The following MMP26 variants were observed in gnomAD, a reference collection of about 807,000 sequenced individuals.
MMP26 encodes matrix metalloproteinase-26.
A neutral mutation model predicts 31.0 loss-of-function variants in MMP26; 33 were observed. The observed-to-expected ratio is 1.06, with a 90% CI of 0.81 to 1.42. The LOEUF is 1.42. Among genes scored for constraint, MMP26 ranks in the 40% most tolerant of loss-of-function variants. The pLI, the probability that MMP26 is intolerant of heterozygous loss-of-function variation, is 0.00. For synonymous variants in MMP26, 122 were observed against 114.9 expected (o/e 1.06, Z -0.40); for missense variants, 347 against 316.1 (o/e 1.10, Z -0.74).
chr11:4,902,705 A>C (rs1850821798), intron 2 of MMP26, among the ~76,000 whole-genome samples: 1 of 152,228 alleles, frequency 6.6e-6, no homozygotes, highest in African/African-American at 2.4e-5. Context: ...ATCTGCTAGA[A>C]TAGCCCAATG....
intron 1 of MMP26, among the ~76,000 whole-genome samples, chr11:4,709,261 A>G (rs918831135): frequency 9.2e-5 from 14 of 152,110 alleles, no homozygotes; most frequent in Admixed American, 8.5e-4. Context: ...AACATTTTCT[A>G]TTATTGAAAC....
At chr11:4,834,081 G>T (rs12785274) in intron 2 of MMP26, among the ~76,000 whole-genome samples, 1 of 152,008 alleles carries the variant, frequency 6.6e-6, no homozygotes, top group Non-Finnish European at 1.5e-5. Context: ...GGCCCCTCAC[G>T]TTTTTCTGGG....
intron 2 of MMP26, among the ~76,000 whole-genome samples, chr11:4,891,591 C>G (rs755664794): frequency 3.6e-4 from 55 of 152,298 alleles, no homozygotes; most frequent in Non-Finnish European, 6.8e-4. Flanking sequence ...TCAAAGGAAG[C>G]AGTCCAAAGT....
At chr11:4,938,916 G>A (rs1846169160) in intron 2 of MMP26, among the ~76,000 whole-genome samples, 1 of 152,094 alleles carries the variant, frequency 6.6e-6, no homozygotes, top group African/African-American at 2.4e-5. Flanking sequence ...AAATCACGCT[G>A]AATGAGTAGT....
intron 2 of MMP26, among the ~76,000 whole-genome samples, chr11:4,806,824 G>A (rs1202470806): frequency 2.0e-5 from 3 of 151,974 alleles, no homozygotes; most frequent in South Asian, 2.1e-4. Flanking sequence ...CTATATCCGG[G>A]GTCCACCTAT....
intron 2 of MMP26, chr11:4,803,415 G>T: frequency 4.7e-6 from 7 of 1,500,852 alleles, no homozygotes; most frequent in South Asian, 1.2e-5. Flanking sequence ...AAGTGATGGG[G>T]ATACACTGAC....
chr11:4,731,407 G>A (rs144221081), intron 1 of MMP26, among the ~76,000 whole-genome samples: 1 of 152,236 alleles, frequency 6.6e-6, no homozygotes, highest in East Asian at 1.9e-4. Context: ...CCCATTAAAT[G>A]TATAGCTCAT....
chr11:4,859,768 CTG>C (rs1196544658), intron 2 of MMP26: 3 of 471,206 alleles, frequency 6.4e-6, no homozygotes, highest in Non-Finnish European at 1.3e-5. Context: ...CTCCCAAAAT[CTG>C]TGGATCATGG....
chr11:4,730,408 G>GAC, intron 1 of MMP26, among the ~76,000 whole-genome samples: 3 of 151,124 alleles, frequency 2.0e-5, no homozygotes, highest in African/African-American at 7.3e-5. Flanking sequence ...CTGGGAAAGA[G>GAC]AGAGAGAGAG....
intron 1 of MMP26, among the ~76,000 whole-genome samples, chr11:4,755,823 T>C (rs1043644220): frequency 4.0e-5 from 6 of 151,826 alleles, no homozygotes; most frequent in African/African-American, 1.4e-4. Flanking sequence ...AAATAAAAAC[T>C]GAAGATGTCT....
chr11:4,857,250 C>CA lies in MMP26; in HGVS notation c.-145+89916dup, dbSNP rs1376291803. Among the ~76,000 whole-genome samples, 12 of 102,828 alleles carry CA rather than the reference C, an allele frequency of 1.2e-4. No homozygotes were observed. In the East Asian group the frequency reaches 1.8e-3, roughly 15 times the overall value. The allele number at this position is 102,828 out of a possible 152,430, so 67.5% of individuals were successfully genotyped here. A position where few individuals can be genotyped will look rare whatever the true frequency, so the allele number is the denominator to read the frequency against. The stretch of plus-strand genomic sequence containing the variant: ...AGCAGAATTGAAGGAGATAGAGACA[C>CA]AAAAAAACCCTTAAAAAAAAATCAG... On this transcript the variant is annotated intron_variant, in intron 2 of 7. Transcript: ENST00000380390.
chr11:4,898,256 A>C (rs1850742923), intron 2 of MMP26, among the ~76,000 whole-genome samples: 1 of 152,094 alleles, frequency 6.6e-6, no homozygotes, highest in Non-Finnish European at 1.5e-5. Flanking sequence ...TTTAAGTATG[A>C]CATTGTTTTT....
At chr11:4,723,814 T>G in intron 1 of MMP26, 1 of 1,568,866 alleles carries the variant, frequency 6.4e-7, no homozygotes, top group Non-Finnish European at 8.7e-7. Flanking sequence ...CCACTTGGTC[T>G]CCAGCATCTT....
At chr11:4,719,621 A>G (rs1195409343) in intron 1 of MMP26, 2 of 152,268 alleles carry the variant, frequency 1.3e-5, no homozygotes, top group Admixed American at 1.3e-4. Context: ...AATGCCATTC[A>G]GAGAGGTTAA....
rs11034725 is a variant in MMP26 at position 4,936,408 on chromosome 11, A to G, written c.-144-51660A>G. On this transcript the variant is annotated intron_variant, in intron 2 of 7. Coordinates refer to ENST00000380390, the MANE Select transcript of MMP26 (RefSeq NM_021801.5). ...CTCTGATGGTAGTTTGTATTTCTGTAGGATTGGTGGTGATATCCCCTTTAT... is the reference window on the plus strand; with the variant it reads ...CTCTGATGGTAGTTTGTATTTCTGTGGGATTGGTGGTGATATCCCCTTTAT... 2.1e-3 allele frequency among the ~76,000 whole-genome samples: 321 copies of G among 152,088 alleles called. 1 individual carries two copies. The highest frequency in any genetic ancestry group is 3.8e-3 in the Non-Finnish European group (257 of 67,956).
At chr11:4,738,117 C>T (rs1382393174) in intron 1 of MMP26, among the ~76,000 whole-genome samples, 1 of 152,060 alleles carries the variant, frequency 6.6e-6, no homozygotes, top group Admixed American at 6.5e-5. Context: ...ACAAGAATTC[C>T]ACTGATGGCC....
At chr11:4,930,090 A>G (rs11034699) in intron 2 of MMP26, among the ~76,000 whole-genome samples, 17,539 of 152,148 alleles carry the variant, frequency 0.12, 1,387 homozygotes, top group South Asian at 0.36. Flanking sequence ...CATTTATAGT[A>G]ACCAAATTAG....
intron 2 of MMP26, chr11:4,890,166 G>A (rs766668338): frequency 2.6e-5 from 4 of 152,370 alleles, no homozygotes; most frequent in Non-Finnish European, 5.9e-5. Context: ...TGGCACTGGT[G>A]AGGATACAGC....
chr11:4,833,146 G>A (rs1249978487), intron 2 of MMP26: 1 of 152,036 alleles, frequency 6.6e-6, no homozygotes, highest in East Asian at 1.9e-4. Context: ...CATCCAAATA[G>A]GAAATGGTTC....
Sources: gnomAD v4.1 joint callset for allele counts (sites outside exome capture counted in the v4.1 genomes callset) on GRCh38, gnomAD v4.1.1 for gene constraint, MANE v1.5 for transcripts, NCBI Gene and HGNC (gene_info 2026-07-23, HGNC 2026-07-21) for gene names.